ANK3: variants seen among roughly 807,000 people sequenced by gnomAD.
ANK3 encodes ankyrin-3.
Under a neutral mutation model 370.9 loss-of-function variants are expected in ANK3, and 57 were observed. That is an observed-to-expected ratio of 0.15 (90% CI 0.12 to 0.19). The LOEUF (loss-of-function observed/expected upper bound fraction) is 0.19. Ranked by LOEUF, ANK3 falls within the 10% of genes least tolerant of loss-of-function variation. The pLI is 1.00. For missense variants in ANK3, 4,439 were observed against 5,302.1 expected (o/e 0.84, Z 5.06); for synonymous variants, 1,929 against 1,946.3 (o/e 0.99, Z 0.23).
chr10:60,125,392 C>T (rs895536431), intron 25 of ANK3, among the ~76,000 whole-genome samples: 2 of 152,192 alleles, frequency 1.3e-5, no homozygotes, highest in African/African-American at 4.8e-5. Context: ...AAGGAAGTCA[C>T]AATACCAACT....
chr10:60,050,094 T>C (rs1337499985), intron 42 of ANK3, among the ~76,000 whole-genome samples: 2 of 152,138 alleles, frequency 1.3e-5, no homozygotes, highest in African/African-American at 2.4e-5. Context: ...ATTATGAGAA[T>C]AGCAAAAACT....
chr10:60,245,582 C>T (rs928834912), intron 7 of ANK3, among the ~76,000 whole-genome samples: 13 of 152,206 alleles, frequency 8.5e-5, no homozygotes, highest in Admixed American at 3.3e-4. Flanking sequence ...ATCTTTCACA[C>T]AAATGAGATT....
chr10:60,186,490 A>C (rs2096337410), intron 17 of ANK3: 2 of 588,842 alleles, frequency 3.4e-6, no homozygotes, highest in South Asian at 1.6e-5. Flanking sequence ...TGCTAGGATT[A>C]AATGCCTGAG....
intron 17 of ANK3, among the ~76,000 whole-genome samples, chr10:60,184,478 G>C (rs1467913716): frequency 6.6e-6 from 1 of 152,198 alleles, no homozygotes; most frequent in Non-Finnish European, 1.5e-5. Flanking sequence ...AGTATTAGAA[G>C]TTCTCAGAAG....
chr10:60,343,956 G>T (rs766382102), intron 1 of ANK3, among the ~76,000 whole-genome samples: 1 of 152,196 alleles, frequency 6.6e-6, no homozygotes, highest in African/African-American at 2.4e-5. Flanking sequence ...CCCTTGCTAC[G>T]GCAAGTGCCA....
At position 60,074,706 on chromosome 10, in the gene ANK3, C is replaced by T. The variant is rs2083404754; in HGVS notation, c.6175G>A (p.Asp2059Asn). Residue 2059 changes from aspartate to asparagine, a missense_variant, in exon 37 of 44, where the codon GAT (aspartate) becomes AAT (asparagine). Coordinates refer to ENST00000280772, the MANE Select transcript of ANK3 (RefSeq NM_020987.5). ...ACTCTTTTCTGTCTCTCCTCACCAT[C>T]CTTCTTTGCATCCTCAAACTTGTAT... is the stretch of plus-strand genomic sequence containing the variant. ...LKYKFEDAKKDGEERQKRVLK... is the reference protein window; with the variant it reads ...LKYKFEDAKKNGEERQKRVLK... 4 of 1,613,450 alleles carry T rather than the reference C, an allele frequency of 2.5e-6. No homozygotes were observed. The highest frequency in any genetic ancestry group is 3.4e-6 in the Non-Finnish European group (4 of 1,179,924).
At chr10:60,148,435 C>T (rs1475135823) in intron 23 of ANK3, among the ~76,000 whole-genome samples, 1 of 152,172 alleles carries the variant, frequency 6.6e-6, no homozygotes, top group Non-Finnish European at 1.5e-5. Context: ...GATTAAGAAG[C>T]AGTAAAGTGC....
chr10:60,326,000 C>T (rs1261863850), intron 1 of ANK3, among the ~76,000 whole-genome samples: 1 of 152,132 alleles, frequency 6.6e-6, no homozygotes, highest in Non-Finnish European at 1.5e-5. Context: ...AGCTGGAGGC[C>T]ATTATCCTTA....
intron 23 of ANK3, among the ~76,000 whole-genome samples, chr10:60,158,973 G>A (rs1418513229): frequency 6.6e-6 from 1 of 151,548 alleles, no homozygotes; most frequent in Non-Finnish European, 1.5e-5. Context: ...ACCGTGCCCA[G>A]CCAATAAAAA....
intron 1 of ANK3, among the ~76,000 whole-genome samples, chr10:60,353,513 T>A (rs557975718): frequency 6.6e-6 from 1 of 152,306 alleles, no homozygotes; most frequent in East Asian, 1.9e-4. Context: ...ATCTTCCTTT[T>A]GTCATTAATT....
At chr10:60,355,409 C>A (rs146356074) in intron 1 of ANK3, among the ~76,000 whole-genome samples, 5 of 152,064 alleles carry the variant, frequency 3.3e-5, no homozygotes, top group Admixed American at 2.6e-4. Flanking sequence ...TCTTGAATAG[C>A]CTGTTCCCTC....
chr10:60,097,620 G>A (rs2090397637), intron 28 of ANK3, among the ~76,000 whole-genome samples: 1 of 152,136 alleles, frequency 6.6e-6, no homozygotes. Context: ...TAAATAACAT[G>A]ACTGAAATCA....
At chr10:60,135,453 C>T (rs567226237) in intron 24 of ANK3, among the ~76,000 whole-genome samples, 1 of 152,358 alleles carries the variant, frequency 6.6e-6, no homozygotes, top group South Asian at 2.1e-4. Flanking sequence ...AGAATTGGCT[C>T]CTCGGCAATG....
At chr10:60,368,236 C>A (rs2059651464) in intron 1 of ANK3, among the ~76,000 whole-genome samples, 2 of 152,002 alleles carry the variant, frequency 1.3e-5, no homozygotes, top group South Asian at 4.1e-4. Context: ...CATGTACACA[C>A]ACACACACAC....
At chr10:60,314,332 A>C (rs1343714158) in intron 1 of ANK3, among the ~76,000 whole-genome samples, 2 of 152,172 alleles carry the variant, frequency 1.3e-5, no homozygotes, top group African/African-American at 2.4e-5. Context: ...GTAAAAAGTC[A>C]TTGTTATTCA....
At chr10:60,271,252 T>C (rs2097976931) in intron 4 of ANK3, among the ~76,000 whole-genome samples, 1 of 152,108 alleles carries the variant, frequency 6.6e-6, no homozygotes, top group African/African-American at 2.4e-5. Flanking sequence ...AATAAACAAA[T>C]GGAGTGCCGG....
At chr10:60,471,678 A>T (rs1358644572) in intron 2 of ANK3, among the ~76,000 whole-genome samples, 1 of 152,204 alleles carries the variant, frequency 6.6e-6, no homozygotes, top group African/African-American at 2.4e-5. Context: ...TTGCCTTTCA[A>T]GAATAACATT....
chr10:60,424,561 G>GA (rs1595002915), intron 2 of ANK3, among the ~76,000 whole-genome samples: 1 of 151,966 alleles, frequency 6.6e-6, no homozygotes, highest in East Asian at 1.9e-4. Context: ...CAGGAAATAA[G>GA]AAAAAAGTTA....
intron 1 of ANK3, among the ~76,000 whole-genome samples, chr10:60,388,398 A>C (rs2062714189): frequency 6.6e-6 from 1 of 152,202 alleles, no homozygotes; most frequent in Non-Finnish European, 1.5e-5. Context: ...TGCAATCTGC[A>C]TGTCATTTAG....
Sources: gnomAD v4.1 joint callset for allele counts (sites outside exome capture counted in the v4.1 genomes callset) on GRCh38, gnomAD v4.1.1 for gene constraint, MANE v1.5 for transcripts, NCBI Gene and HGNC (gene_info 2026-07-23, HGNC 2026-07-21) for gene names.